USP42: variants seen among roughly 807,000 people sequenced by gnomAD.
USP42 encodes ubiquitin carboxyl-terminal hydrolase 42.
A neutral mutation model predicts 113.0 loss-of-function variants in USP42; 23 were observed. That is an observed-to-expected ratio of 0.20 (90% CI 0.15 to 0.29). The LOEUF (loss-of-function observed/expected upper bound fraction) is 0.29, where lower values mean the gene tolerates loss of function less well. Among genes scored for constraint, USP42 ranks in the 10% least tolerant of loss-of-function variants. USP42 has a pLI of 1.00. For synonymous variants in USP42, 933 were observed against 699.0 expected, an observed-to-expected ratio of 1.33 and a Z score of -5.28; for missense variants, 2,174 against 1,779.8, an observed-to-expected ratio of 1.22 and a Z score of -3.99.
chr7:6,137,552 T>C (rs892222894), intron 4 of USP42, among the ~76,000 whole-genome samples: 6 of 152,220 alleles, frequency 3.9e-5, no homozygotes, highest in Non-Finnish European at 7.3e-5. Flanking sequence ...GAGACGGGGT[T>C]TCACCATGTT....
intron 14 of USP42, among the ~76,000 whole-genome samples, chr7:6,152,332 C>T (rs1489727792): frequency 6.6e-6 from 1 of 152,202 alleles, no homozygotes; most frequent in East Asian, 1.9e-4. Flanking sequence ...ACAGCATGAG[C>T]GACTCTAGAT....
Position 6,154,597 on chromosome 7 carries a change from G to T in USP42, c.3043G>T (p.Gly1015Cys). The change falls in exon 15 of 18, where the codon GGC (glycine) becomes TGC (cysteine). Residue 1015 changes from glycine to cysteine, a missense_variant. Gly to Cys is a radical substitution (Grantham distance 159). Transcript: ENST00000306177. Reference protein sequence around the residue: ...RLSPGERRSLGRCSHHHSRHR... With the variant: ...RLSPGERRSLCRCSHHHSRHR... ...CAGCCCTGGCGAGCGCCGCTCTCTG[G>T]GCAGGTGCAGTCACCACCACTCCCG... is the stretch of plus-strand genomic sequence containing the variant. 1 of 1,581,686 alleles carries T rather than the reference G, an allele frequency of 6.3e-7. No individual in the cohort carries two copies. Among genetic ancestry groups the T allele is most frequent in the Non-Finnish European group, 8.6e-7 (1 of 1,166,162 alleles).
At chr7:6,101,673 C>G (rs1490931212), upstream of USP42, among the ~76,000 whole-genome samples, 2 of 151,124 alleles carry the variant, frequency 1.3e-5, no homozygotes, top group Admixed American at 6.6e-5. Context: ...AAAAGGGTCT[C>G]TATGTTTGCT....
intron 3 of USP42, among the ~76,000 whole-genome samples, chr7:6,124,405 C>G (rs1780410179): frequency 6.6e-6 from 1 of 151,584 alleles, no homozygotes; most frequent in South Asian, 2.1e-4. Flanking sequence ...GTAGCTGGGA[C>G]TACGGGTGCA....
chr7:6,092,053 C>CTTCTTCTTCTTCTTT, the USP42 span, among the ~76,000 whole-genome samples: 33 of 41,700 alleles, frequency 7.9e-4, 4 homozygotes, highest in Admixed American at 2.8e-3. Context: ...TCTTCTTCTT[C>CTTCTTCTTCTTCTTT]TTTCTTCTTC....
chr7:6,128,624 C>T (rs1441907084), intron 3 of USP42, among the ~76,000 whole-genome samples: 2 of 152,000 alleles, frequency 1.3e-5, no homozygotes, highest in Non-Finnish European at 2.9e-5. Context: ...TGTCCTTCAC[C>T]CTCATTTATT....
intron 3 of USP42, among the ~76,000 whole-genome samples, chr7:6,124,302 C>T (rs1267951218): frequency 6.6e-6 from 1 of 152,040 alleles, no homozygotes; most frequent in African/African-American, 2.4e-5. Flanking sequence ...GATTCTCGCT[C>T]TGTCACCCAG....
At chr7:6,133,403 G>T (rs548343132) in intron 3 of USP42, among the ~76,000 whole-genome samples, 1 of 152,124 alleles carries the variant, frequency 6.6e-6, no homozygotes, top group Admixed American at 6.6e-5. Context: ...TTCTCTCTCT[G>T]TGTTTTATTA....
the USP42 span, among the ~76,000 whole-genome samples, chr7:6,099,564 TC>T: frequency 6.7e-6 from 1 of 149,194 alleles, no homozygotes; most frequent in African/African-American, 2.5e-5. Context: ...GGCAGGCGGG[TC>T]TCAAACTCCT....
chr7:6,083,502 C>T, the USP42 span, among the ~76,000 whole-genome samples: 6 of 149,594 alleles, frequency 4.0e-5, no homozygotes, highest in Admixed American at 1.3e-4. Flanking sequence ...GTAATCTGCC[C>T]GCCTCGGCCT....
At chr7:6,150,982 A>C (rs1041017543) in intron 14 of USP42, among the ~76,000 whole-genome samples, 8 of 152,238 alleles carry the variant, frequency 5.3e-5, no homozygotes, top group African/African-American at 1.7e-4. Flanking sequence ...TGTCACACAG[A>C]CCTAGATGGT....
the USP42 span, among the ~76,000 whole-genome samples, chr7:6,096,213 C>A: frequency 6.6e-6 from 1 of 151,246 alleles, no homozygotes; most frequent in African/African-American, 2.5e-5. Context: ...TGGCTCACGC[C>A]TGTAATCCCA....
At position 6,139,920 on chromosome 7, in the gene USP42, G is replaced by T. The variant is rs1781350743; in HGVS notation, c.657-208G>T. The T allele has an allele frequency of 3.3e-6, 2 of 597,550 alleles. No individual in the cohort carries two copies. Among genetic ancestry groups the T allele is most frequent in the South Asian group, 4.0e-5 (2 of 50,406 alleles). 37.0% of individuals were successfully genotyped at this position (597,550 alleles called of 1,614,324 possible). On this transcript the variant is annotated intron_variant, in intron 5 of 17. Coordinates refer to ENST00000306177, the MANE Select transcript of USP42 (RefSeq NM_032172.3). The surrounding 1 kb of genome is among the most constrained non-coding windows in gnomAD (Gnocchi z 4.5). ...TGACAGACACAGCTCCCACAGCTCT[G>T]CGTCTCCTCCCGCCACTCCCAGACC...
intron 3 of USP42, among the ~76,000 whole-genome samples, chr7:6,126,147 C>G (rs919581419): frequency 1.3e-5 from 2 of 152,172 alleles, no homozygotes; most frequent in Non-Finnish European, 2.9e-5. Context: ...AACAGTGTTA[C>G]GTGAATTATA....
rs541004338 is a variant in USP42, at chr7:6,141,510, A to C, written c.795+526A>C. 2.6e-5 allele frequency among the ~76,000 whole-genome samples: 4 copies of C among 151,742 alleles called. No homozygotes were observed. In the South Asian group the frequency reaches 8.3e-4, roughly 32 times the overall value. ...CGCGCCCGGCCTGAATTTTCATTTA[A>C]TATCTTAATAAAACTAGATTTTCTA... On this transcript the variant is annotated intron_variant, in intron 7 of 17. Coordinates refer to ENST00000306177, the MANE Select transcript of USP42 (RefSeq NM_032172.3).
chr7:6,092,398 T>C, the USP42 span, among the ~76,000 whole-genome samples: 2 of 150,508 alleles, frequency 1.3e-5, no homozygotes, highest in Non-Finnish European at 2.9e-5. Flanking sequence ...AGGCTGGTCT[T>C]GAACTCCTGA....
upstream of USP42, among the ~76,000 whole-genome samples, chr7:6,104,005 G>C (rs1208603874): frequency 6.6e-6 from 1 of 151,436 alleles, no homozygotes. Context: ...CATCGCTTGA[G>C]CCCGGGAGGT....
Position 6,154,870 on chromosome 7 carries a change from G to A in USP42, c.3316G>A (p.Ala1106Thr), listed in dbSNP as rs764254513. 4.1e-5 allele frequency: 63 copies of A among 1,527,022 alleles called. 1 individual carries two copies. The highest frequency in any genetic ancestry group is 3.4e-4 in the South Asian group (28 of 81,832). 94.6% of individuals were successfully genotyped at this position (1,527,022 alleles called of 1,614,324 possible). ...CCGGGGCCGTAGGGGCTGCGAGCCGGCCCGGGAGAGGGAGCGGCACCGCCC... is the reference window on the plus strand; with the variant it reads ...CCGGGGCCGTAGGGGCTGCGAGCCGACCCGGGAGAGGGAGCGGCACCGCCC... ...HNRGRRGCEP[A>T]RERERHRPSS... Residue 1106 changes from alanine to threonine, a missense_variant, in exon 15 of 18, where the codon GCC becomes ACC. Ala to Thr is a moderately conservative substitution (Grantham distance 58). Coordinates refer to ENST00000306177, the MANE Select transcript of USP42 (RefSeq NM_032172.3).
In USP42 at chr7:6,142,998, T is replaced by G. The variant is rs1342211200; in HGVS notation, c.862T>G (p.Ser288Ala). The G allele has an allele frequency of 1.2e-6, 2 of 1,613,964 alleles. No individual in the cohort carries two copies. The highest frequency in any genetic ancestry group is 1.7e-6 in the Non-Finnish European group (2 of 1,179,870). Residue 288 changes from serine to alanine, a missense_variant, in exon 8 of 18, where the codon TCG becomes GCG. Physicochemically the swap from Ser to Ala is moderately conservative, Grantham distance 99 (BLOSUM62 1). Transcript: ENST00000306177. ...GCCGGAACAGCTTGATGGAGAAAACTCGTACAAGTGCAGCAAGTACGTTGG... is the reference window on the plus strand; with the variant it reads ...GCCGGAACAGCTTGATGGAGAAAACGCGTACAAGTGCAGCAAGTACGTTGG... ...VKPEQLDGEN[S>A]YKCSKCKKMV...
Sources: gnomAD v4.1 joint callset for allele counts (sites outside exome capture counted in the v4.1 genomes callset) on GRCh38, gnomAD v4.1.1 for gene constraint, Gnocchi (gnomAD v3.1) non-coding constraint, MANE v1.5 for transcripts, NCBI Gene and HGNC (gene_info 2026-07-23, HGNC 2026-07-21) for gene names.